CATSPERB: variants seen among roughly 807,000 people sequenced by gnomAD.
The protein encoded by CATSPERB is catsper channel auxiliary subunit beta.
A neutral mutation model predicts 128.3 loss-of-function variants in CATSPERB; 93 were observed. The ratio of observed to expected loss-of-function variants is 0.72; its 90% CI spans 0.61 to 0.86. The LOEUF is 0.86. Among genes scored for constraint, CATSPERB ranks in the 40% least tolerant of loss-of-function variants. The pLI is 0.00. For synonymous variants in CATSPERB, 381 were observed against 448.8 expected (o/e 0.85, Z 1.91); for missense variants, 1,153 against 1,329.5 (o/e 0.87, Z 2.06).
intron 7 of CATSPERB, 126 bp from the exon 8 acceptor site, chr14:91,693,605 G>T: frequency 1.5e-6 from 1 of 652,314 alleles, no homozygotes. Flanking sequence ...CCAAAGCATT[G>T]GAAAGATGAA....
chr14:91,614,640 A>C (rs1182385898), intron 20 of CATSPERB, among the ~76,000 whole-genome samples: 1 of 152,050 alleles, frequency 6.6e-6, no homozygotes, highest in Non-Finnish European at 1.5e-5. Context: ...ATCTTTACTA[A>C]AAACACAAAA....
At chr14:91,612,317 T>A (rs564859669) in intron 20 of CATSPERB, among the ~76,000 whole-genome samples, 132 of 152,214 alleles carry the variant, frequency 8.7e-4, no homozygotes, top group African/African-American at 3.1e-3. Context: ...ACTAAAAAAA[T>A]TTTTTTAAAT....
chr14:91,655,605 G>A (rs2082673579), intron 15 of CATSPERB, among the ~76,000 whole-genome samples: 1 of 152,120 alleles, frequency 6.6e-6, no homozygotes, highest in South Asian at 2.1e-4. Context: ...AAGAATTAGT[G>A]AGCTTGAAGA....
intron 23 of CATSPERB, 115 bp from the exon 24 acceptor site, chr14:91,589,784 G>T: frequency 1.1e-6 from 1 of 892,522 alleles, no homozygotes; most frequent in Non-Finnish European, 1.7e-6. Flanking sequence ...AATGACATGT[G>T]CTCCTGAGGG....
intron 3 of CATSPERB, 32 bp downstream of exon 3, chr14:91,725,048 G>A: frequency 9.0e-7 from 1 of 1,111,276 alleles, no homozygotes; most frequent in Middle Eastern, 2.0e-4. Context: ...GGAACGTGAA[G>A]GGTTATAACA....
In CATSPERB at chr14:91,639,081, G is replaced by A. The variant is rs760803054; in HGVS notation, c.1587+15C>T. 10 of 1,603,676 alleles carry A rather than the reference G, an allele frequency of 6.2e-6. No homozygotes were observed. The South Asian group carries it at 1.0e-4, about 16-fold the overall frequency. On this transcript the variant is annotated intron_variant, in intron 16 of 26. Transcript: ENST00000256343. ...TTAAAATAAGGCAAACTGTTTCAAT[G>A]CATTATATACTGACCTGTCCAAAAA...
intron 15 of CATSPERB, among the ~76,000 whole-genome samples, chr14:91,656,752 T>C (rs2402048): frequency 0.31 from 46,626 of 151,782 alleles, 8,029 homozygotes; most frequent in Admixed American, 0.5. Context: ...CAGTGATCTG[T>C]TGCCTGCAAG....
chr14:91,598,985 T>C (rs1321373463), intron 22 of CATSPERB, among the ~76,000 whole-genome samples: 1 of 152,160 alleles, frequency 6.6e-6, no homozygotes, highest in Non-Finnish European at 1.5e-5. Context: ...TGGTTTATAG[T>C]TTAGCTTTTA....
intron 25 of CATSPERB, 137 bp downstream of exon 25, chr14:91,587,841 C>T (rs1893330355): frequency 1.5e-6 from 1 of 653,756 alleles, no homozygotes; most frequent in Non-Finnish European, 2.7e-6. Context: ...TCTTCATATA[C>T]TTTAAAGGTA....
intron 22 of CATSPERB, among the ~76,000 whole-genome samples, chr14:91,594,293 C>A (rs914725335): frequency 1.3e-5 from 2 of 150,880 alleles, no homozygotes; most frequent in Admixed American, 1.3e-4. Context: ...CACATGGACA[C>A]AGGAAGGGGA....
intron 2 of CATSPERB, among the ~76,000 whole-genome samples, chr14:91,727,522 T>C (rs1896137478): frequency 6.6e-6 from 1 of 152,198 alleles, no homozygotes; most frequent in Admixed American, 6.5e-5. Flanking sequence ...ATCACAAATA[T>C]GCAAAATATA....
intron 15 of CATSPERB, among the ~76,000 whole-genome samples, chr14:91,659,168 A>G (rs2139820371): frequency 6.6e-6 from 1 of 152,318 alleles, no homozygotes. Flanking sequence ...GGAGGAGGAT[A>G]TTGAACATTC....
chr14:91,613,977 A>T (rs1893886862), intron 20 of CATSPERB, among the ~76,000 whole-genome samples: 1 of 152,160 alleles, frequency 6.6e-6, no homozygotes, highest in Admixed American at 6.5e-5. Context: ...TAAGATTCTC[A>T]TGAAGAAGGT....
rs771021111 is a variant in CATSPERB, at chr14:91,639,094, A to T, written c.1587+2T>A. 2 of 1,613,478 alleles carry T rather than the reference A, an allele frequency of 1.2e-6. No homozygotes were observed. Among genetic ancestry groups the T allele is most frequent in the Non-Finnish European group, 1.7e-6 (2 of 1,179,706 alleles). On this transcript the variant is annotated splice_donor_variant, in intron 16 of 26. Coordinates refer to ENST00000256343, the MANE Select transcript of CATSPERB (RefSeq NM_024764.4). LOFTEE classifies it high-confidence loss of function. ...AACTGTTTCAATGCATTATATACTG[A>T]CCTGTCCAAAAAGATTTCTAGAATT...
At position 91,580,741 on chromosome 14, in the gene CATSPERB, T is replaced by C. The variant is rs1893190472; in HGVS notation, c.*148A>G. The C allele has an allele frequency of 3.1e-6, 2 of 640,950 alleles. No homozygotes were observed. The highest frequency in any genetic ancestry group is 5.4e-6 in the Non-Finnish European group (2 of 373,674). The allele number at this position is 640,950 out of a possible 1,614,324, so 39.7% of individuals were successfully genotyped here. A position where few individuals can be genotyped will look rare whatever the true frequency, so the allele number is the denominator to read the frequency against. ...ATGTATTCAAAATAAGAAAAGGAAA[T>C]GGTGAATATATTGACAAGTAGCAAT... On this transcript the variant is annotated 3_prime_UTR_variant, in exon 27 of 27. Coordinates refer to ENST00000256343, the MANE Select transcript of CATSPERB (RefSeq NM_024764.4).
intron 13 of CATSPERB, 101 bp from the exon 14 acceptor site, chr14:91,670,073 T>A: frequency 1.0e-6 from 1 of 1,002,850 alleles, no homozygotes; most frequent in Non-Finnish European, 1.5e-6. Flanking sequence ...ATACAATCAC[T>A]AACACAACAT....
intron 26 of CATSPERB, among the ~76,000 whole-genome samples, chr14:91,581,320 C>A (rs1013620632): frequency 6.6e-6 from 1 of 152,208 alleles, no homozygotes; most frequent in Non-Finnish European, 1.5e-5. Context: ...CATGTATTAT[C>A]CTATGCCTTT....
chr14:91,636,408 T>C lies in CATSPERB; in HGVS notation c.1742+17A>G, dbSNP rs1278330678. On this transcript the variant is annotated intron_variant, in intron 17 of 26. Coordinates refer to ENST00000256343, the MANE Select transcript of CATSPERB (RefSeq NM_024764.4). ...TCTAGAAACCAATATGCCATCTAAA[T>C]AAATGCATATCACTACCCAGAGTGT... The C allele has an allele frequency of 3.1e-6, 5 of 1,607,732 alleles. 1 individual carries two copies. The African/African-American group carries it at 5.4e-5, about 17-fold the overall frequency.
At chr14:91,668,161 G>A (rs551378944) in intron 14 of CATSPERB, among the ~76,000 whole-genome samples, 164 of 152,300 alleles carry the variant, frequency 1.1e-3, no homozygotes, top group African/African-American at 3.7e-3. Flanking sequence ...GGGGTGTCCT[G>A]TTTAGAGGGG....
Sources: allele counts gnomAD v4.1 joint callset (sites outside exome capture counted in the v4.1 genomes callset), GRCh38; gene constraint gnomAD v4.1.1; transcripts MANE v1.5; gene names NCBI Gene and HGNC (gene_info 2026-07-23, HGNC 2026-07-21).